Variants in DCP2 observed in about 807,000 individuals in gnomAD.
DCP2 encodes decapping mRNA 2, also known as m7GpppN-mRNA hydrolase.
A neutral mutation model predicts 56.1 loss-of-function variants in DCP2; 30 were observed. The ratio of observed to expected loss-of-function variants is 0.53; its 90% CI spans 0.40 to 0.73. The LOEUF is 0.73. Among genes scored for constraint, DCP2 ranks in the 30% least tolerant of loss-of-function variants. DCP2 has a pLI of 0.00. For synonymous variants in DCP2, 197 were observed against 163.3 expected, an observed-to-expected ratio of 1.21 and a Z score of -1.57; for missense variants, 533 against 502.7, an observed-to-expected ratio of 1.06 and a Z score of -0.58.
At chr5:112,998,858 G>A (rs1165061590) in intron 4 of DCP2, among the ~76,000 whole-genome samples, 1 of 152,094 alleles carries the variant, frequency 6.6e-6, no homozygotes, top group Non-Finnish European at 1.5e-5. Context: ...TTCTTTTAGG[G>A]CAATCACAGT....
chr5:113,003,773 G>C (rs1749288809), intron 7 of DCP2, among the ~76,000 whole-genome samples, 169 bp from the exon 8 acceptor site: 1 of 152,124 alleles, frequency 6.6e-6, no homozygotes, highest in African/African-American at 2.4e-5. Flanking sequence ...TGGGTGATGA[G>C]GATAAAGCAG....
At chr5:113,007,644 G>A (rs966446539) in intron 8 of DCP2, among the ~76,000 whole-genome samples, 3 of 151,972 alleles carry the variant, frequency 2.0e-5, no homozygotes, top group South Asian at 2.1e-4. Flanking sequence ...TGATCCGCCC[G>A]CCTCAGCCTC....
At chr5:113,007,895 A>G (rs1159109174) in intron 8 of DCP2, 43 bp from the exon 9 acceptor site, 7 of 1,548,952 alleles carry the variant, frequency 4.5e-6, no homozygotes, top group African/African-American at 1.4e-5. Context: ...GTGCTATTAC[A>G]TTATGCTATA....
In DCP2 at chr5:112,992,678, C is replaced by G. The variant is rs763052975; in HGVS notation, c.340C>G (p.Leu114Val). 2 of 1,579,440 alleles carry G rather than the reference C, an allele frequency of 1.3e-6. No homozygotes were observed. The highest frequency in any genetic ancestry group is 1.7e-6 in the Non-Finnish European group (2 of 1,169,248). ...ACTTCTGCTTGTTTTGTAGGTACTA[C>G]TAGTTCAGGGGTACCTAGCAAAATC... ...ILDETLENVLLVQGYLAKSGW... is the reference protein window; with the variant it reads ...ILDETLENVLVVQGYLAKSGW... The change falls in exon 4 of 11, where the codon CTA (leucine) becomes GTA (valine). Residue 114 changes from leucine (L) to valine (V), a missense_variant. Around this residue, in one of 3 missense-constraint regions of DCP2, gnomAD observed 137 missense variants for 138.2 expected, o/e 0.99. Transcript: ENST00000389063.
intron 1 of DCP2, among the ~76,000 whole-genome samples, chr5:112,983,696 G>A (rs558305565): frequency 9.9e-4 from 150 of 151,708 alleles, no homozygotes; most frequent in African/African-American, 3.4e-3. Context: ...ATCCAGACTG[G>A]GGAAAAAAAA....
At chr5:112,992,291 T>A in intron 3 of DCP2, 43 bp downstream of exon 3, 1 of 1,577,578 alleles carries the variant, frequency 6.3e-7, no homozygotes, top group Non-Finnish European at 8.6e-7. Flanking sequence ...ATGGTGATCG[T>A]TAATCTGTTA....
chr5:113,010,423 C>T lies in DCP2; in HGVS notation c.1048-333C>T, dbSNP rs1248757792. Among the ~76,000 whole-genome samples, 4 of 151,950 alleles carry T rather than the reference C, an allele frequency of 2.6e-5. No homozygotes were observed. The East Asian group carries it at 7.7e-4, about 29-fold the overall frequency. On this transcript the variant is annotated intron_variant, in intron 9 of 10. Transcript: ENST00000389063. The stretch of plus-strand genomic sequence containing the variant: ...TATGTTGGGAGGTGATTTTGCTGGT[C>T]TCAGACTCTTGGCCTCAAGTGATCC...
At chr5:113,000,061 C>CAAAAAAAAAAAAAA (rs60251393) in intron 4 of DCP2, among the ~76,000 whole-genome samples, 1 of 89,954 alleles carries the variant, frequency 1.1e-5, no homozygotes, top group Non-Finnish European at 2.1e-5. Context: ...AACTCCATCT[C>CAAAAAAAAAAAAAA]AAAAAAAAAA....
chr5:113,000,971 A>G, intron 4 of DCP2, 113 bp from the exon 5 acceptor site: 1 of 1,055,104 alleles, frequency 9.5e-7, no homozygotes, highest in South Asian at 1.7e-5. Context: ...TTCTAGAAAT[A>G]GTAAATACAA....
chr5:113,002,765 C>T (rs1007375060), intron 7 of DCP2, among the ~76,000 whole-genome samples: 1 of 152,168 alleles, frequency 6.6e-6, no homozygotes, highest in African/African-American at 2.4e-5. Flanking sequence ...TCCAGTGATC[C>T]TCCTGCCTCA....
In DCP2 at chr5:113,004,035, A is replaced by T; in HGVS notation, c.900A>T (p.Pro300=). Residue 300 remains proline (P), a synonymous_variant, in exon 8 of 11, where the codon CCA becomes CCT. Coordinates refer to ENST00000389063, the MANE Select transcript of DCP2 (RefSeq NM_152624.6). ...ACAGGCAACCACTGCAGCAAAAGCC[A>T]TATAATAATCATTCTGAAATGTCTG... ...VKHRQPLQQK[P]YNNHSEMSDL... 6.2e-7 allele frequency: 1 copy of T among 1,614,164 alleles called. No individual in the cohort carries two copies. Among genetic ancestry groups the T allele is most frequent in the Non-Finnish European group, 8.5e-7 (1 of 1,179,994 alleles).
At position 113,018,080 on chromosome 5, in the gene DCP2, T is replaced by G. The variant is rs1192062389; in HGVS notation, c.*4596T>G. On this transcript the variant is annotated 3_prime_UTR_variant, in exon 11 of 11. Coordinates refer to ENST00000389063, the MANE Select transcript of DCP2 (RefSeq NM_152624.6). ...CACACAGCCATAATCTGCTTTGGTG[T>G]CAGTCACATCACAGTGGTTATACAT... 1 of 152,258 alleles carries G rather than the reference T, an allele frequency of 6.6e-6. No homozygotes were observed. The highest frequency in any genetic ancestry group is 1.5e-5 in the Non-Finnish European group (1 of 68,052). The allele number at this position is 152,258 out of a possible 1,614,324, so 9.4% of individuals were successfully genotyped here.
intron 2 of DCP2, 31 bp downstream of exon 2, chr5:112,986,017 T>G: frequency 6.7e-7 from 1 of 1,487,402 alleles, no homozygotes; most frequent in Non-Finnish European, 9.1e-7. Flanking sequence ...ATGACTGACT[T>G]TCTTGTTAGC....
chr5:113,010,718 T>C, intron 9 of DCP2, 38 bp from the exon 10 acceptor site: 1 of 1,471,198 alleles, frequency 6.8e-7, no homozygotes, highest in Non-Finnish European at 8.9e-7. Flanking sequence ...GACTGTGTTG[T>C]ATGTGTGTGT....
rs116354368 is a variant in DCP2, at chr5:113,017,096, C to A, written c.*3612C>A. ...TTATCTTTATTTTTGTACCAGTGGA[C>A]CTTCCTGCTCCCTGAGACTGTTTTG... On this transcript the variant is annotated 3_prime_UTR_variant, in exon 11 of 11. Coordinates refer to ENST00000389063, the MANE Select transcript of DCP2 (RefSeq NM_152624.6). 11 of 152,150 alleles carry A rather than the reference C, an allele frequency of 7.2e-5. No individual in the cohort carries two copies. In the East Asian group the frequency reaches 2.1e-3, roughly 29 times the overall value. The allele number at this position is 152,150 out of a possible 1,614,324, so 9.4% of individuals were successfully genotyped here.
At chr5:113,002,325 A>C (rs1260818575) in intron 7 of DCP2, among the ~76,000 whole-genome samples, 2 of 151,700 alleles carry the variant, frequency 1.3e-5, no homozygotes, top group East Asian at 3.9e-4. Context: ...CGGGAGGCTG[A>C]GGCAGGAGAA....
intron 3 of DCP2, 96 bp from the exon 4 acceptor site, chr5:112,992,576 C>T (rs1267449653): frequency 8.0e-6 from 7 of 879,048 alleles, no homozygotes; most frequent in Non-Finnish European, 1.2e-5. Flanking sequence ...TTGGCGATAA[C>T]AGTTACCTCA....
intron 7 of DCP2, 42 bp from the exon 8 acceptor site, chr5:113,003,900 T>C: frequency 6.2e-7 from 1 of 1,608,582 alleles, no homozygotes; most frequent in Non-Finnish European, 8.5e-7. Context: ...GAACTATAAG[T>C]GAACATTTTC....
chr5:113,004,060 G>T lies in DCP2; in HGVS notation c.925G>T (p.Asp309Tyr). The T allele has an allele frequency of 1.2e-6, 2 of 1,613,768 alleles. No homozygotes were observed. Among genetic ancestry groups the T allele is most frequent in the Non-Finnish European group, 1.7e-6 (2 of 1,179,916 alleles). The stretch of plus-strand genomic sequence containing the variant: ...ATATAATAATCATTCTGAAATGTCT[G>T]ACCTTTTAAAAGGAAAGGTGAGTGA... ...KPYNNHSEMS[D>Y]LLKGKNQSMR... is the part of the protein sequence containing the mutation. The change falls in exon 8 of 11, where the codon GAC becomes TAC. Residue 309 changes from aspartate (D) to tyrosine (Y), a missense_variant. Asp to Tyr is a radical substitution (Grantham distance 160, BLOSUM62 -3). Transcript: ENST00000389063.
Sources: gnomAD v4.1 joint callset for allele counts (sites outside exome capture counted in the v4.1 genomes callset) on GRCh38, gnomAD v4.1.1 for gene constraint, gnomAD v4.1.1 regional missense constraint, MANE v1.5 for transcripts, NCBI Gene and HGNC (gene_info 2026-07-23, HGNC 2026-07-21) for gene names.